Variants in ZNRF1 observed in about 807,000 individuals in gnomAD.
The protein encoded by ZNRF1 is zinc and ring finger 1.
ZNRF1 carries 3 observed loss-of-function variants against 18.4 expected under a neutral mutation model. The observed-to-expected ratio is 0.16, with a 90% CI of 0.07 to 0.42. The LOEUF (loss-of-function observed/expected upper bound fraction) is 0.42. Among genes scored for constraint, ZNRF1 ranks in the 10% least tolerant of loss-of-function variants. The probability of loss-of-function intolerance (pLI) is 0.99; values close to 1 mark genes in which losing one functional copy is unlikely to be tolerated. For missense variants in ZNRF1, 310 were observed against 329.8 expected (o/e 0.94, Z 0.47); for synonymous variants, 157 against 144.2 (o/e 1.09, Z -0.64).
At chr16:75,102,136 G>T (rs556901425) in intron 2 of ZNRF1, among the ~76,000 whole-genome samples, 1 of 152,292 alleles carries the variant, frequency 6.6e-6, no homozygotes, top group South Asian at 2.1e-4. Context: ...GGTTCCTGGT[G>T]GGGGGCTTTG....
intron 1 of ZNRF1, among the ~76,000 whole-genome samples, chr16:75,072,895 C>T (rs1426655239): frequency 6.6e-6 from 1 of 152,200 alleles, no homozygotes; most frequent in Non-Finnish European, 1.5e-5. Context: ...TCCAGCTTCC[C>T]CTCTGAGATG....
At chr16:75,013,835 TA>T (rs2035031281) in intron 1 of ZNRF1, among the ~76,000 whole-genome samples, 1 of 152,018 alleles carries the variant, frequency 6.6e-6, no homozygotes, top group Non-Finnish European at 1.5e-5. Context: ...AATTTAATTT[TA>T]TTTTTTTTTT....
At chr16:75,049,503 A>G (rs1271064514) in intron 1 of ZNRF1, among the ~76,000 whole-genome samples, 2 of 152,134 alleles carry the variant, frequency 1.3e-5, no homozygotes, top group African/African-American at 4.8e-5. Context: ...GTTTTTAAAA[A>G]TTGCTTGTAG....
chr16:75,002,962 C>CT (rs988926950), intron 1 of ZNRF1, among the ~76,000 whole-genome samples: 112 of 152,150 alleles, frequency 7.4e-4, no homozygotes, highest in African/African-American at 2.6e-3. Context: ...CTTAATCATT[C>CT]TTTTTTTTGA....
chr16:75,098,900 C>G (rs2036227480), intron 2 of ZNRF1, among the ~76,000 whole-genome samples: 2 of 152,070 alleles, frequency 1.3e-5, no homozygotes, highest in Admixed American at 6.5e-5. Flanking sequence ...GTTCCAGGGT[C>G]TCTTGAGGAT....
chr16:75,011,232 A>G (rs552410597), intron 1 of ZNRF1, among the ~76,000 whole-genome samples: 1 of 152,300 alleles, frequency 6.6e-6, no homozygotes, highest in African/African-American at 2.4e-5. Flanking sequence ...GGAATCCTAC[A>G]AGGATTTGAG....
intron 1 of ZNRF1, among the ~76,000 whole-genome samples, chr16:75,070,449 C>A (rs1457372717): frequency 6.6e-6 from 1 of 152,212 alleles, no homozygotes; most frequent in Non-Finnish European, 1.5e-5. Context: ...CACCTAAACC[C>A]TCAATGGACC....
chr16:75,028,526 C>A (rs2035255355), intron 1 of ZNRF1, among the ~76,000 whole-genome samples: 1 of 152,234 alleles, frequency 6.6e-6, no homozygotes, highest in Admixed American at 6.5e-5. Flanking sequence ...AACTTCTGAC[C>A]TCAAGTGATC....
chr16:75,000,462 G>T lies in ZNRF1; in HGVS notation c.424+367G>T, dbSNP rs909778383. On this transcript the variant is annotated intron_variant, in intron 1 of 4. Coordinates refer to ENST00000335325, the MANE Select transcript of ZNRF1 (RefSeq NM_032268.5). Reference sequence around the variant, plus strand: ...CTGCAGCACTGTGCCTGCCTCACCGGTAACGGAGAGATGGAGCCAGTTGGA... The same window carrying T: ...CTGCAGCACTGTGCCTGCCTCACCGTTAACGGAGAGATGGAGCCAGTTGGA... 1.0e-4 allele frequency: 43 copies of T among 415,978 alleles called. No individual in the cohort carries two copies. In the Admixed American group the frequency reaches 1.3e-3, roughly 13 times the overall value. 25.8% of individuals were successfully genotyped at this position (415,978 alleles called of 1,614,324 possible).
At chr16:75,080,953 C>A (rs1419285049) in intron 1 of ZNRF1, among the ~76,000 whole-genome samples, 1 of 152,122 alleles carries the variant, frequency 6.6e-6, no homozygotes, top group African/African-American at 2.4e-5. Flanking sequence ...GTGGGCGGAT[C>A]ACCAGGTCAG....
At chr16:75,007,369 A>G (rs2034935590) in intron 1 of ZNRF1, among the ~76,000 whole-genome samples, 1 of 152,152 alleles carries the variant, frequency 6.6e-6, no homozygotes, top group African/African-American at 2.4e-5. Context: ...ATTTAATCCT[A>G]AAGCAGCAGC....
chr16:74,999,934 G>T lies in ZNRF1; in HGVS notation c.263G>T (p.Gly88Val), dbSNP rs373118246. 48 of 1,564,660 alleles carry T rather than the reference G, an allele frequency of 3.1e-5. No homozygotes were observed. The highest frequency in any genetic ancestry group is 4.0e-5 in the Non-Finnish European group (46 of 1,156,344). ...GTGDSERAPGGGGSASDSTYA... is the reference protein window; with the variant it reads ...GTGDSERAPGVGGSASDSTYA... The stretch of plus-strand genomic sequence containing the variant: ...GGCGACTCCGAGAGGGCGCCCGGCG[G>T]CGGAGGGTCTGCGTCCGACTCCACC... The change falls in exon 1 of 5, where the codon GGC (glycine) becomes GTC (valine). Residue 88 changes from glycine (G) to valine (V), a missense_variant. Transcript: ENST00000335325.
chr16:75,030,293 A>G (rs2035285202), intron 1 of ZNRF1, among the ~76,000 whole-genome samples: 1 of 152,202 alleles, frequency 6.6e-6, no homozygotes, highest in African/African-American at 2.4e-5. Context: ...TTTTCAATAG[A>G]TGCTACTGGG....
intron 1 of ZNRF1, among the ~76,000 whole-genome samples, chr16:75,015,108 T>A (rs2035049516): frequency 6.6e-6 from 1 of 152,208 alleles, no homozygotes; most frequent in Non-Finnish European, 1.5e-5. Flanking sequence ...CTTATCTCTT[T>A]ATTCTCTTTG....
At chr16:75,104,734 C>T in intron 2 of ZNRF1, 50 bp from the exon 3 acceptor site, 2 of 1,518,804 alleles carry the variant, frequency 1.3e-6, no homozygotes, top group Non-Finnish European at 9.0e-7. Flanking sequence ...CCCATGCCAC[C>T]TGTCCACTGG....
intron 1 of ZNRF1, among the ~76,000 whole-genome samples, chr16:75,022,708 G>A (rs1049470196): frequency 6.6e-6 from 1 of 152,248 alleles, no homozygotes; most frequent in Non-Finnish European, 1.5e-5. Flanking sequence ...CAAATGGTTA[G>A]TGACTGCTGT....
intron 2 of ZNRF1, among the ~76,000 whole-genome samples, chr16:75,097,434 GCTT>G (rs574502387): frequency 9.0e-4 from 137 of 152,300 alleles, no homozygotes; most frequent in Admixed American, 2.5e-3. Flanking sequence ...CCCATGCTCA[GCTT>G]CTTATGTCAT....
chr16:75,019,722 T>C (rs1185889932), intron 1 of ZNRF1, among the ~76,000 whole-genome samples: 1 of 152,298 alleles, frequency 6.6e-6, no homozygotes, highest in East Asian at 1.9e-4. Flanking sequence ...TGTTCTGTTT[T>C]GTTTTGTTTG....
In ZNRF1 at chr16:74,999,714, T is replaced by A. The variant is rs1249335446; in HGVS notation, c.43T>A (p.Phe15Ile). Residue 15 changes from phenylalanine to isoleucine, a missense_variant, in exon 1 of 5, where the codon TTC becomes ATC. Phe to Ile is a conservative substitution (Grantham distance 21, BLOSUM62 0). This residue lies in a region of ZNRF1 where 293 missense variants were observed against 291.2 expected (regional missense o/e 1.01). Coordinates refer to ENST00000335325, the MANE Select transcript of ZNRF1 (RefSeq NM_032268.5). ...QSTAARSRGPFPGVSTDDSAV... is the reference protein window; with the variant it reads ...QSTAARSRGPIPGVSTDDSAV... ...CACGGCGGCCCGCTCCCGGGGCCCC[T>A]TCCCGGGGGTCTCCACCGATGACAG... The A allele has an allele frequency of 5.9e-6, 8 of 1,364,334 alleles. No homozygotes were observed. The highest frequency in any genetic ancestry group is 7.5e-6 in the Non-Finnish European group (8 of 1,064,864). The allele number at this position is 1,364,334 out of a possible 1,614,324, so 84.5% of individuals were successfully genotyped here. A position where few individuals can be genotyped will look rare whatever the true frequency, so the allele number is the denominator to read the frequency against.
Sources: allele counts gnomAD v4.1 joint callset (sites outside exome capture counted in the v4.1 genomes callset), GRCh38; gene constraint gnomAD v4.1.1; regional missense constraint gnomAD v4.1.1; transcripts MANE v1.5; gene names NCBI Gene and HGNC (gene_info 2026-07-23, HGNC 2026-07-21).